STAU2: variants seen among roughly 807,000 people sequenced by gnomAD.
STAU2 encodes the protein staufen double-stranded RNA binding protein 2.
In STAU2, 20 loss-of-function variants were observed where a neutral mutation model predicts 65.9. The observed-to-expected ratio is 0.30, with a 90% CI of 0.21 to 0.44. The LOEUF is 0.44. Among genes scored for constraint, STAU2 ranks in the 20% least tolerant of loss-of-function variants. STAU2 has a pLI of 1.00. For synonymous variants in STAU2, 232 were observed against 233.9 expected (o/e 0.99, Z 0.07); for missense variants, 558 against 683.9 (o/e 0.82, Z 2.05).
At chr8:73,642,234 T>C (rs1335448553) in intron 6 of STAU2, among the ~76,000 whole-genome samples, 1 of 152,140 alleles carries the variant, frequency 6.6e-6, no homozygotes, top group African/African-American at 2.4e-5. Flanking sequence ...ACTCAAAAAC[T>C]TTCATCTTTG....
chr8:73,658,229 G>A (rs180769190), intron 6 of STAU2, among the ~76,000 whole-genome samples: 38 of 152,018 alleles, frequency 2.5e-4, no homozygotes, highest in African/African-American at 8.2e-4. Context: ...TTAGCCGGGC[G>A]TGGTGGCCCA....
At chr8:73,472,913 A>C (rs1375984971) in intron 13 of STAU2, among the ~76,000 whole-genome samples, 2 of 152,200 alleles carry the variant, frequency 1.3e-5, no homozygotes, top group Non-Finnish European at 2.9e-5. Flanking sequence ...GAACTGATGT[A>C]ATTAAAGGTA....
chr8:73,551,634 A>G (rs1807341849), intron 13 of STAU2: 1 of 994,562 alleles, frequency 1.0e-6, no homozygotes, highest in African/African-American at 1.7e-5. Context: ...ATGTAAAAAA[A>G]GGGAGAACTG....
At chr8:73,517,552 A>T (rs1028964928) in intron 13 of STAU2, among the ~76,000 whole-genome samples, 1 of 152,240 alleles carries the variant, frequency 6.6e-6, no homozygotes, top group African/African-American at 2.4e-5. Flanking sequence ...TCTCCTATGA[A>T]ATCATGAACA....
chr8:73,497,616 C>T lies in STAU2; in HGVS notation c.1530+54396G>A, dbSNP rs1226260775. Among the ~76,000 whole-genome samples the T allele has an allele frequency of 2.6e-5, 4 of 151,690 alleles. No homozygotes were observed. In the East Asian group the frequency reaches 7.8e-4, roughly 30 times the overall value. Reference sequence around the variant, plus strand: ...AGTAGAACCTACTTGCATCACAGGACAACTTTTCGAGTTATCAATTACACT... The same window carrying T: ...AGTAGAACCTACTTGCATCACAGGATAACTTTTCGAGTTATCAATTACACT... On this transcript the variant is annotated intron_variant, in intron 13 of 14. Transcript: ENST00000524300.
chr8:73,617,083 TC>T (rs1258337380), intron 7 of STAU2, among the ~76,000 whole-genome samples: 1 of 151,770 alleles, frequency 6.6e-6, no homozygotes, highest in African/African-American at 2.4e-5. Flanking sequence ...CATCCCCAAA[TC>T]CCCAGTTGCC....
At chr8:73,559,623 T>C (rs1406656647) in intron 12 of STAU2, among the ~76,000 whole-genome samples, 1 of 152,232 alleles carries the variant, frequency 6.6e-6, no homozygotes, top group East Asian at 1.9e-4. Flanking sequence ...GGGAGCCTAC[T>C]GGACCACCAT....
At chr8:73,619,286 A>G (rs946609100) in intron 6 of STAU2, among the ~76,000 whole-genome samples, 3 of 152,158 alleles carry the variant, frequency 2.0e-5, no homozygotes, top group African/African-American at 7.2e-5. Context: ...AAGTAAAATG[A>G]TGACTGAGAA....
chr8:73,604,659 A>G (rs889150851), intron 9 of STAU2, among the ~76,000 whole-genome samples: 10 of 152,262 alleles, frequency 6.6e-5, no homozygotes, highest in African/African-American at 2.4e-4. Flanking sequence ...TCACATAAGG[A>G]AAAACTCAAT....
intron 9 of STAU2, among the ~76,000 whole-genome samples, chr8:73,611,629 G>C (rs905596011): frequency 2.0e-5 from 3 of 151,182 alleles, no homozygotes; most frequent in Non-Finnish European, 3.0e-5. Flanking sequence ...GAAATGTACA[G>C]ATCTTTTCCA....
intron 9 of STAU2, among the ~76,000 whole-genome samples, chr8:73,612,179 T>G (rs750418278): frequency 5.9e-5 from 9 of 152,196 alleles, no homozygotes; most frequent in Non-Finnish European, 1.2e-4. Context: ...ACATAAAATG[T>G]GAATAGGTAG....
chr8:73,452,099 G>A (rs1369085726), intron 13 of STAU2, among the ~76,000 whole-genome samples: 2 of 152,226 alleles, frequency 1.3e-5, no homozygotes, highest in African/African-American at 4.8e-5. Flanking sequence ...GACAGGTGCC[G>A]CCCTAGACAG....
chr8:73,438,169 C>G (rs1817854198), intron 13 of STAU2, among the ~76,000 whole-genome samples: 1 of 152,164 alleles, frequency 6.6e-6, no homozygotes, highest in African/African-American at 2.4e-5. Context: ...TTGTCTCAGT[C>G]TGTCATTATT....
chr8:73,651,556 G>A lies in STAU2; in HGVS notation c.410+21551C>T, dbSNP rs531829575. 43 of 848,376 alleles carry A rather than the reference G, an allele frequency of 5.1e-5. No homozygotes were observed. The African/African-American group carries it at 6.3e-4, about 12-fold the overall frequency. The allele number at this position is 848,376 out of a possible 1,614,324, so 52.6% of individuals were successfully genotyped here. A position where few individuals can be genotyped will look rare whatever the true frequency, so the allele number is the denominator to read the frequency against. On this transcript the variant is annotated intron_variant, in intron 6 of 14. Coordinates refer to ENST00000524300, the MANE Select transcript of STAU2 (RefSeq NM_001164380.2). ...CTGGCCTTGCCAATGGCCTGCACCTGCTGTGCCCTTGGGCACCCCTGCCTG... is the reference window on the plus strand; with the variant it reads ...CTGGCCTTGCCAATGGCCTGCACCTACTGTGCCCTTGGGCACCCCTGCCTG...
intron 4 of STAU2, among the ~76,000 whole-genome samples, chr8:73,696,780 T>C (rs1819716926): frequency 6.6e-6 from 1 of 152,062 alleles, no homozygotes; most frequent in African/African-American, 2.4e-5. Flanking sequence ...TTACTGGCCT[T>C]AAAGAAAAGG....
At chr8:73,569,687 C>G (rs1422604044) in intron 12 of STAU2, among the ~76,000 whole-genome samples, 6 of 152,182 alleles carry the variant, frequency 3.9e-5, no homozygotes, top group Non-Finnish European at 7.3e-5. Context: ...TGGTGATACC[C>G]AGGCAAACAG....
At chr8:73,591,045 GGGTAT>G (rs1376573952) in intron 11 of STAU2, among the ~76,000 whole-genome samples, 2 of 152,072 alleles carry the variant, frequency 1.3e-5, no homozygotes, top group Non-Finnish European at 2.9e-5. Context: ...AGCAAGGAAG[GGGTAT>G]AATACCAGAA....
chr8:73,460,572 A>G (rs2128899442), intron 13 of STAU2, among the ~76,000 whole-genome samples: 1 of 152,364 alleles, frequency 6.6e-6, no homozygotes, highest in South Asian at 2.1e-4. Flanking sequence ...AAAATGCCTA[A>G]GTGGCAGGGA....
At chr8:73,435,388 A>T (rs2128885755) in intron 13 of STAU2, among the ~76,000 whole-genome samples, 1 of 151,830 alleles carries the variant, frequency 6.6e-6, no homozygotes, top group African/African-American at 2.4e-5. Context: ...TCAGCTGATG[A>T]CCCATCCACT....
Sources: gnomAD v4.1 joint callset for allele counts (sites outside exome capture counted in the v4.1 genomes callset) on GRCh38, gnomAD v4.1.1 for gene constraint, MANE v1.5 for transcripts, NCBI Gene and HGNC (gene_info 2026-07-23, HGNC 2026-07-21) for gene names.